The following ADAM22 variants were observed in gnomAD, a reference collection of about 807,000 sequenced individuals.
ADAM22 encodes ADAM metallopeptidase domain 22, also known as disintegrin and metalloproteinase domain-containing protein 22.
In ADAM22, 65 loss-of-function variants were observed where a neutral mutation model predicts 144.6. That is an observed-to-expected ratio of 0.45 (90% confidence interval 0.37 to 0.55). The LOEUF (loss-of-function observed/expected upper bound fraction) is 0.55. ADAM22 is among the 20% of genes least tolerant of loss of function. The probability of loss-of-function intolerance (pLI) is 0.00; values close to 1 mark genes in which losing one functional copy is unlikely to be tolerated. For synonymous variants in ADAM22, 391 were observed against 412.6 expected (o/e 0.95, Z 0.63); for missense variants, 974 against 1,184.9 (o/e 0.82, Z 2.61).
intron 3 of ADAM22, among the ~76,000 whole-genome samples, chr7:88,032,666 T>C (rs1448346952): frequency 6.6e-6 from 1 of 152,168 alleles, no homozygotes; most frequent in Non-Finnish European, 1.5e-5. Context: ...GGCAGAACGA[T>C]ATGGCTTGGC....
chr7:88,101,346 AG>A (rs1822873711), intron 4 of ADAM22, among the ~76,000 whole-genome samples: 1 of 152,092 alleles, frequency 6.6e-6, no homozygotes, highest in Non-Finnish European at 1.5e-5. Context: ...GAGGGGGAGA[AG>A]GCTATGATTC....
In ADAM22 at chr7:88,017,787, A is replaced by ATATATATATGTGTGTG. The variant is rs1217629349; in HGVS notation, c.323+39393_323+39408dup. Among the ~76,000 whole-genome samples, 1,337 of 151,782 alleles carry ATATATATATGTGTGTG rather than the reference A, an allele frequency of 8.8e-3. 20 individuals are homozygous for ATATATATATGTGTGTG. Among genetic ancestry groups the ATATATATATGTGTGTG allele is most frequent in the East Asian group, 0.038 (198 of 5,164 alleles). On this transcript the variant is annotated intron_variant, in intron 3 of 31. Coordinates refer to ENST00000413139, the MANE Select transcript of ADAM22 (RefSeq NM_001324418.2). ...AATGCAAGCATATGTGTGTGTGTAT[A>ATATATATATGTGTGTG]TATATATATGTGTGTGTATATATAT...
chr7:88,153,310 A>T lies in ADAM22; in HGVS notation c.1771A>T (p.Ile591Leu), dbSNP rs1838996200. 1.2e-6 allele frequency: 2 copies of T among 1,613,108 alleles called. No homozygotes were observed. The highest frequency in any genetic ancestry group is 1.7e-6 in the Non-Finnish European group (2 of 1,179,448). ...GNCGKDKDTW[I>L]QCNKRDVLCG... ...CTGTGGGAAAGACAAAGACACATGG[A>T]TACAGTGCAACAAACGGTGAGGTGG... The change falls in exon 21 of 32, where the codon ATA becomes TTA. Residue 591 changes from isoleucine (I) to leucine (L), a missense_variant. This residue lies in a region of ADAM22 where 734 missense variants were observed against 950.6 expected (regional missense o/e 0.77). Coordinates refer to ENST00000413139, the MANE Select transcript of ADAM22 (RefSeq NM_001324418.2).
chr7:88,158,140 T>C lies in ADAM22; in HGVS notation c.1907+2134T>C, dbSNP rs1421336617. Among the ~76,000 whole-genome samples the C allele has an allele frequency of 2.0e-5, 3 of 152,032 alleles. No homozygotes were observed. The East Asian group carries it at 5.8e-4, about 29-fold the overall frequency. Reference sequence around the variant, plus strand: ...AAAACAGACTTTAAGCCAACAAAGATACAGAAAGACAAAGAAGGGCATTAT... The same window carrying C: ...AAAACAGACTTTAAGCCAACAAAGACACAGAAAGACAAAGAAGGGCATTAT... On this transcript the variant is annotated intron_variant, in intron 22 of 31. Transcript: ENST00000413139.
chr7:88,108,374 T>C, intron 5 of ADAM22, 116 bp downstream of exon 5: 1 of 786,278 alleles, frequency 1.3e-6, no homozygotes, highest in African/African-American at 1.8e-5. Context: ...TTTAAATTGG[T>C]GATGGATCTG....
At chr7:87,957,997 A>G (rs1414959411) in intron 2 of ADAM22, among the ~76,000 whole-genome samples, 3 of 152,212 alleles carry the variant, frequency 2.0e-5, no homozygotes, top group Non-Finnish European at 4.4e-5. Flanking sequence ...CCTCAAAATT[A>G]AATTTTTTGA....
intron 4 of ADAM22, among the ~76,000 whole-genome samples, chr7:88,081,042 G>A (rs549325741): frequency 6.6e-6 from 1 of 152,128 alleles, no homozygotes; most frequent in Non-Finnish European, 1.5e-5. Flanking sequence ...CACAAAAAAA[G>A]AGAATTTTAG....
intron 3 of ADAM22, among the ~76,000 whole-genome samples, chr7:88,048,617 T>C (rs1004581771): frequency 6.6e-6 from 1 of 152,160 alleles, no homozygotes; most frequent in Non-Finnish European, 1.5e-5. Flanking sequence ...TTTTATGAAT[T>C]GCTTCCTAAT....
chr7:88,115,217 A>AAAAC (rs913696329), intron 6 of ADAM22, among the ~76,000 whole-genome samples: 11 of 152,338 alleles, frequency 7.2e-5, no homozygotes, highest in South Asian at 2.1e-4. Flanking sequence ...CTCCGTCTCC[A>AAAAC]AAACAAACAA....
At chr7:87,989,583 A>G (rs936371016) in intron 3 of ADAM22, among the ~76,000 whole-genome samples, 10 of 152,176 alleles carry the variant, frequency 6.6e-5, no homozygotes, top group Admixed American at 3.9e-4. Flanking sequence ...TTTCTTTGCT[A>G]CTATTATTAA....
At chr7:88,196,344 T>C in intron 31 of ADAM22, 127 bp from the exon 32 acceptor site, 1 of 1,098,040 alleles carries the variant, frequency 9.1e-7, no homozygotes, top group Non-Finnish European at 1.4e-6. Context: ...TTTTTAGACT[T>C]TGCAAGAGTG....
intron 4 of ADAM22, among the ~76,000 whole-genome samples, chr7:88,079,012 C>G (rs1244686778): frequency 6.6e-6 from 1 of 152,124 alleles, no homozygotes. Context: ...AAAGATACTG[C>G]TCGAGAAGAG....
intron 2 of ADAM22, among the ~76,000 whole-genome samples, chr7:87,966,653 G>C (rs1327593500): frequency 1.4e-5 from 2 of 140,950 alleles, no homozygotes; most frequent in African/African-American, 5.3e-5. Flanking sequence ...AGTGCCTTCA[G>C]AACTGGAAAT....
chr7:88,032,440 C>T (rs1235871866), intron 3 of ADAM22, among the ~76,000 whole-genome samples: 1 of 152,156 alleles, frequency 6.6e-6, no homozygotes, highest in Non-Finnish European at 1.5e-5. Context: ...GAGCATTTAC[C>T]CAATGCCTAT....
intron 7 of ADAM22, among the ~76,000 whole-genome samples, chr7:88,120,364 TC>T (rs1828983036): frequency 1.3e-5 from 2 of 151,982 alleles, no homozygotes; most frequent in East Asian, 1.9e-4. Flanking sequence ...TGTGTGATGT[TC>T]CCCTTCCTGT....
At chr7:88,039,894 C>T (rs1802681114) in intron 3 of ADAM22, among the ~76,000 whole-genome samples, 1 of 151,688 alleles carries the variant, frequency 6.6e-6, no homozygotes, top group Non-Finnish European at 1.5e-5. Flanking sequence ...AGTAATTCTT[C>T]CTTCCTTTTC....
At chr7:87,995,908 G>A (rs12112800) in intron 3 of ADAM22, among the ~76,000 whole-genome samples, 1,616 of 152,238 alleles carry the variant, frequency 0.011, 24 homozygotes, top group African/African-American at 0.037. Context: ...AAATCCCATT[G>A]AAAACCATGA....
In ADAM22 at chr7:88,090,837, C is replaced by A. The variant is rs576596734; in HGVS notation, c.390+15145C>A. Among the ~76,000 whole-genome samples the A allele has an allele frequency of 1.4e-4, 22 of 152,204 alleles. No homozygotes were observed. In the South Asian group the frequency reaches 4.4e-3, roughly 30 times the overall value. On this transcript the variant is annotated intron_variant, in intron 4 of 31. Coordinates refer to ENST00000413139, the MANE Select transcript of ADAM22 (RefSeq NM_001324418.2). The stretch of plus-strand genomic sequence containing the variant: ...GATGATTCTGTAATTGCAGATAGGG[C>A]CAACACAGGAAACCGTGTCCCTTGG...
intron 20 of ADAM22, among the ~76,000 whole-genome samples, chr7:88,153,000 A>C (rs1357017983): frequency 6.6e-6 from 1 of 152,154 alleles, no homozygotes; most frequent in Non-Finnish European, 1.5e-5. Flanking sequence ...AACTAAATAC[A>C]TTTGTTTACT....
Sources: allele counts gnomAD v4.1 joint callset (sites outside exome capture counted in the v4.1 genomes callset), GRCh38; gene constraint gnomAD v4.1.1; regional missense constraint gnomAD v4.1.1; transcripts MANE v1.5; gene names NCBI Gene and HGNC (gene_info 2026-07-23, HGNC 2026-07-21).